Variants in SRPX2 observed in about 807,000 individuals in gnomAD.
The protein encoded by SRPX2 is sushi repeat-containing protein SRPX2.
Under a neutral mutation model 45.3 loss-of-function variants are expected in SRPX2, and 26 were observed. The observed-to-expected ratio is 0.57, with a 90% CI of 0.42 to 0.80. The LOEUF (loss-of-function observed/expected upper bound fraction) is 0.80, where lower values mean the gene tolerates loss of function less well. SRPX2 is among the 30% of genes least tolerant of loss of function. SRPX2 has a pLI of 0.00. For missense variants in SRPX2, 355 were observed against 399.8 expected, an observed-to-expected ratio of 0.89 and a Z score of 0.95; for synonymous variants, 125 against 143.7, an observed-to-expected ratio of 0.87 and a Z score of 0.93.
At chrX:100,656,103 C>A (rs1023145227) in intron 3 of SRPX2, among the ~76,000 whole-genome samples, 1 of 110,148 alleles carries the variant, frequency 9.1e-6, no homozygotes, top group Non-Finnish European at 1.9e-5. Flanking sequence ...TCAGGTGATC[C>A]GCCTGCCTCG....
In SRPX2 at chrX:100,669,404, G is replaced by C. The variant is rs201768337; in HGVS notation, c.1217+35G>C. On this transcript the variant is annotated intron_variant, in intron 10 of 10. Transcript: ENST00000373004. Reference sequence around the variant, plus strand: ...GGGAGGCTGCCAAACTTGGGGGGAGGGGGGGCTGGGGCGGGGGGAGAAACC... The same window carrying C: ...GGGAGGCTGCCAAACTTGGGGGGAGCGGGGGCTGGGGCGGGGGGAGAAACC... The C allele has an allele frequency of 0.015, 11,367 of 774,529 alleles. 130 individuals are homozygous for C. Among genetic ancestry groups the C allele is most frequent in the Middle Eastern group, 0.024 (48 of 2,012 alleles). The allele number at this position is 774,529 out of a possible 1,213,427, so 63.8% of individuals were successfully genotyped here.
intron 3 of SRPX2, among the ~76,000 whole-genome samples, chrX:100,656,880 CTTCCTTCCTTCCT>C (rs1414295297): frequency 9.1e-6 from 1 of 109,718 alleles, no homozygotes; most frequent in East Asian, 2.9e-4. Flanking sequence ...CCCTCCCTCC[CTTCCTTCCTTCCT>C]TTCCTTCCTT....
chrX:100,655,794 C>T (rs1268441724), intron 3 of SRPX2, among the ~76,000 whole-genome samples: 1 of 108,611 alleles, frequency 9.2e-6, no homozygotes, highest in Non-Finnish European at 1.9e-5. Context: ...GACTTACACA[C>T]TTCCTACCAG....
intron 2 of SRPX2, among the ~76,000 whole-genome samples, chrX:100,647,743 T>C (rs1335667251): frequency 1.8e-5 from 2 of 112,731 alleles, no homozygotes; most frequent in Non-Finnish European, 3.7e-5. Flanking sequence ...AAGCCTGAGC[T>C]GTTGGAGGCG....
Position 100,664,750 on chromosome X carries a change from G to A in SRPX2, c.356-24G>A, listed in dbSNP as rs745944899. On this transcript the variant is annotated intron_variant, in intron 4 of 10. Transcript: ENST00000373004. ...TCCAGATAGTCGCACAAGCCACTGA[G>A]CTTGCCACTTGGTTTTCTCTTAGAG... The A allele has an allele frequency of 3.3e-6, 4 of 1,194,489 alleles. No individual in the cohort carries two copies. The South Asian group carries it at 7.3e-5, about 22-fold the overall frequency.
rs1298011054 is a variant in SRPX2 at position 100,674,338 on chromosome X, C to T, written c.*3351C>T. On this transcript the variant is annotated 3_prime_UTR_variant, in exon 11 of 11. Coordinates refer to ENST00000373004, the MANE Select transcript of SRPX2 (RefSeq NM_014467.3). ...AGTATCAGGCATTTAAGGTATCAGGCAGCAATGCGGGGAAAGGTGAATTTT... is the reference window on the plus strand; with the variant it reads ...AGTATCAGGCATTTAAGGTATCAGGTAGCAATGCGGGGAAAGGTGAATTTT... 4.4e-5 allele frequency: 5 copies of T among 112,418 alleles called. No homozygotes were observed. The Admixed American group carries it at 4.7e-4, about 11-fold the overall frequency. The allele number at this position is 112,418 out of a possible 1,213,427, so 9.3% of individuals were successfully genotyped here. A position where few individuals can be genotyped will look rare whatever the true frequency, so the allele number is the denominator to read the frequency against.
intron 3 of SRPX2, among the ~76,000 whole-genome samples, chrX:100,661,932 G>GTT (rs1209941951): frequency 4.3e-5 from 4 of 93,192 alleles, no homozygotes; most frequent in Non-Finnish European, 6.3e-5. Context: ...GTCGAGGTGG[G>GTT]GTTTTTTTTT....
chrX:100,669,488 C>A (rs964679603), intron 10 of SRPX2, 119 bp downstream of exon 10: 2 of 690,773 alleles, frequency 2.9e-6, no homozygotes, highest in Admixed American at 2.8e-5. Flanking sequence ...TACTCTCTTG[C>A]GGCACTTCTT....
In SRPX2 at chrX:100,650,794, A is replaced by G. The variant is rs764214370; in HGVS notation, c.92A>G (p.Tyr31Cys). ...VTPTWYAGSG[Y>C]YPDESYNEVY... ...GTCTTCCTTATTCTAGGTTCTGGCT[A>G]CTATCCGGATGAAAGCTACAATGAA... is the stretch of plus-strand genomic sequence containing the variant. The change falls in exon 3 of 11, where the codon TAC becomes TGC. Residue 31 changes from tyrosine to cysteine, a missense_variant. Coordinates refer to ENST00000373004, the MANE Select transcript of SRPX2 (RefSeq NM_014467.3). 1.6e-5 allele frequency: 19 copies of G among 1,207,351 alleles called. No homozygotes were observed. Among genetic ancestry groups the G allele is most frequent in the Non-Finnish European group, 2.1e-5 (19 of 891,594 alleles).
intron 7 of SRPX2, among the ~76,000 whole-genome samples, chrX:100,666,393 A>C (rs1002894204): frequency 8.9e-6 from 1 of 112,519 alleles, no homozygotes; most frequent in Admixed American, 9.4e-5. Flanking sequence ...TGAACATTTA[A>C]GATTCCTCCA....
chrX:100,648,562 A>C (rs2083142415), intron 2 of SRPX2, among the ~76,000 whole-genome samples: 1 of 112,226 alleles, frequency 8.9e-6, no homozygotes, highest in Non-Finnish European at 1.9e-5. Context: ...AAAGAAAAAA[A>C]ACTCAAAGAT....
intron 8 of SRPX2, 41 bp downstream of exon 8, chrX:100,666,974 C>T: frequency 8.4e-6 from 10 of 1,187,660 alleles, no homozygotes; most frequent in Non-Finnish European, 1.1e-5. Flanking sequence ...ATGTGGTGAT[C>T]AGGGGAACTT....
chrX:100,666,288 A>G (rs1372648134), intron 7 of SRPX2, among the ~76,000 whole-genome samples: 5 of 112,145 alleles, frequency 4.5e-5, no homozygotes, highest in African/African-American at 1.6e-4. Flanking sequence ...TAATTTTCCC[A>G]TGTTATTTAA....
At chrX:100,669,522 T>C (rs951346853) in intron 10 of SRPX2, among the ~76,000 whole-genome samples, 153 bp downstream of exon 10, 3 of 111,157 alleles carry the variant, frequency 2.7e-5, no homozygotes, top group Non-Finnish European at 5.7e-5. Context: ...TATGGATGCA[T>C]TAGGTAAGAC....
At chrX:100,661,165 G>GT (rs907750245) in intron 3 of SRPX2, among the ~76,000 whole-genome samples, 9 of 111,659 alleles carry the variant, frequency 8.1e-5, no homozygotes, top group African/African-American at 2.9e-4. Context: ...GGTATTACCA[G>GT]TTTTTTTTAA....
intron 6 of SRPX2, 26 bp downstream of exon 6, chrX:100,665,395 T>A: frequency 8.3e-7 from 1 of 1,208,001 alleles, no homozygotes; most frequent in Non-Finnish European, 1.1e-6. Flanking sequence ...GGATGCCCCT[T>A]ATGCCTTCCC....
intron 3 of SRPX2, among the ~76,000 whole-genome samples, chrX:100,655,738 G>GA (rs1315999358): frequency 9.1e-6 from 1 of 110,250 alleles, no homozygotes; most frequent in East Asian, 2.8e-4. Flanking sequence ...ATGTGAAAAG[G>GA]AAAACATGTA....
intron 9 of SRPX2, among the ~76,000 whole-genome samples, chrX:100,668,212 G>A (rs1156501950): frequency 1.8e-5 from 2 of 108,334 alleles, no homozygotes; most frequent in Non-Finnish European, 3.8e-5. Context: ...GCTCTGGGGA[G>A]CTACAAGGGG....
At chrX:100,647,415 T>C (rs182940546) in intron 2 of SRPX2, among the ~76,000 whole-genome samples, 2 of 112,838 alleles carry the variant, frequency 1.8e-5, no homozygotes, top group Admixed American at 1.9e-4. Flanking sequence ...CAAACAAATA[T>C]GCAAACTTCT....
Sources: allele counts gnomAD v4.1 joint callset (sites outside exome capture counted in the v4.1 genomes callset), GRCh38; gene constraint gnomAD v4.1.1; transcripts MANE v1.5; gene names NCBI Gene and HGNC (gene_info 2026-07-23, HGNC 2026-07-21).